The following DPP10 variants were observed in gnomAD, a reference collection of about 807,000 sequenced individuals.
DPP10 encodes dipeptidyl peptidase like 10.
A neutral mutation model predicts 120.9 loss-of-function variants in DPP10; 33 were observed. The observed-to-expected ratio is 0.27, with a 90% CI of 0.21 to 0.37. DPP10 has a LOEUF of 0.37. DPP10 is among the 10% of genes least tolerant of loss of function. The pLI is 1.00. For synonymous variants in DPP10, 337 were observed against 326.1 expected (o/e 1.03, Z -0.36); for missense variants, 816 against 942.8 (o/e 0.87, Z 1.76).
chr2:115,548,739 T>G (rs917809357), intron 5 of DPP10, among the ~76,000 whole-genome samples: 2 of 152,102 alleles, frequency 1.3e-5, no homozygotes, highest in Non-Finnish European at 2.9e-5. Context: ...GTCCATGATA[T>G]AAACACATGT....
At chr2:115,330,389 G>A (rs1254932754) in intron 2 of DPP10, among the ~76,000 whole-genome samples, 1 of 149,896 alleles carries the variant, frequency 6.7e-6, no homozygotes, top group African/African-American at 2.4e-5. Flanking sequence ...TAGGTTGCCT[G>A]TTCACTCTGA....
At chr2:115,307,784 C>T (rs772890461) in intron 1 of DPP10, among the ~76,000 whole-genome samples, 1 of 152,084 alleles carries the variant, frequency 6.6e-6, no homozygotes, top group Non-Finnish European at 1.5e-5. Context: ...TTTATGGTCA[C>T]AAGGCAACTA....
At chr2:115,238,418 A>C (rs575162371) in intron 1 of DPP10, among the ~76,000 whole-genome samples, 1 of 152,336 alleles carries the variant, frequency 6.6e-6, no homozygotes, top group East Asian at 1.9e-4. Context: ...TGCAAGGAGA[A>C]TAATGTTTTC....
chr2:114,775,747 G>T (rs1681670158), intron 1 of DPP10, among the ~76,000 whole-genome samples: 1 of 152,126 alleles, frequency 6.6e-6, no homozygotes, highest in Admixed American at 6.6e-5. Context: ...ACCACTCTTT[G>T]TTCATTCTTT....
intron 1 of DPP10, among the ~76,000 whole-genome samples, chr2:115,235,649 C>T (rs2057960917): frequency 6.6e-6 from 1 of 152,058 alleles, no homozygotes; most frequent in African/African-American, 2.4e-5. Flanking sequence ...GCAACCTCCA[C>T]CTCCCTGATT....
chr2:115,684,316 C>T (rs1410487418), intron 5 of DPP10, among the ~76,000 whole-genome samples: 1 of 151,662 alleles, frequency 6.6e-6, no homozygotes, highest in South Asian at 2.1e-4. Context: ...CTAGTTAGTT[C>T]GTAACTGTGT....
At chr2:115,694,539 A>C (rs984765446) in intron 7 of DPP10, among the ~76,000 whole-genome samples, 4 of 152,196 alleles carry the variant, frequency 2.6e-5, no homozygotes, top group Non-Finnish European at 5.9e-5. Context: ...AGCAATAAAG[A>C]GTGCATTATT....
chr2:115,660,218 T>A lies in DPP10; in HGVS notation c.442-29469T>A, dbSNP rs2088800046. ...CAGCCACATTACAGATCTATTGACA[T>A]AAACTCCAACTATGGTAATTGTTGC... On this transcript the variant is annotated intron_variant, in intron 5 of 25. Transcript: ENST00000410059. Among the ~76,000 whole-genome samples the A allele has an allele frequency of 2.0e-5, 3 of 152,204 alleles. No individual in the cohort carries two copies. The South Asian group carries it at 6.2e-4, about 31-fold the overall frequency.
intron 1 of DPP10, among the ~76,000 whole-genome samples, chr2:114,786,306 C>T (rs1682761058): frequency 6.6e-6 from 1 of 152,166 alleles, no homozygotes; most frequent in Non-Finnish European, 1.5e-5. Flanking sequence ...GTGCAACTTA[C>T]TTCTTTAGAA....
intron 1 of DPP10, among the ~76,000 whole-genome samples, chr2:115,226,526 C>T (rs1334015203): frequency 6.6e-6 from 1 of 152,100 alleles, no homozygotes. Flanking sequence ...AGCACACTGT[C>T]AGTTATCCAC....
At chr2:115,061,557 T>C (rs1706398846) in intron 1 of DPP10, among the ~76,000 whole-genome samples, 1 of 152,218 alleles carries the variant, frequency 6.6e-6, no homozygotes, top group Admixed American at 6.5e-5. Context: ...AATAAAGAAA[T>C]TTTAAAAATG....
At chr2:115,423,660 T>C (rs2070193063) in intron 3 of DPP10, among the ~76,000 whole-genome samples, 1 of 152,102 alleles carries the variant, frequency 6.6e-6, no homozygotes, top group African/African-American at 2.4e-5. Flanking sequence ...CTGGACATCA[T>C]AGATTATAAA....
At position 115,151,394 on chromosome 2, in the gene DPP10, T is replaced by C. The variant is rs373234889; in HGVS notation, c.61-157845T>C. On this transcript the variant is annotated intron_variant, in intron 1 of 25. Coordinates refer to ENST00000410059, the MANE Select transcript of DPP10 (RefSeq NM_020868.6). ...GTAAGTTTAATTGATTTTTTTAAAT[T>C]TCAGGATTACTTTCTTATACTTTTT... Among the ~76,000 whole-genome samples the C allele has an allele frequency of 5.9e-5, 9 of 151,530 alleles. No homozygotes were observed. The East Asian group carries it at 1.4e-3, about 23-fold the overall frequency.
chr2:115,483,536 A>C (rs1385830775), intron 3 of DPP10, among the ~76,000 whole-genome samples: 1 of 151,848 alleles, frequency 6.6e-6, no homozygotes, highest in African/African-American at 2.4e-5. Context: ...ATTGTTTGGG[A>C]GGAATTCATA....
At chr2:115,802,417 T>G (rs1404918464) in intron 19 of DPP10, among the ~76,000 whole-genome samples, 3 of 152,200 alleles carry the variant, frequency 2.0e-5, no homozygotes, top group Non-Finnish European at 4.4e-5. Flanking sequence ...GGGTTTTTTG[T>G]GTCTCTATTT....
At chr2:115,325,774 A>G (rs974461367) in intron 2 of DPP10, among the ~76,000 whole-genome samples, 5 of 152,190 alleles carry the variant, frequency 3.3e-5, no homozygotes, top group South Asian at 2.1e-4. Flanking sequence ...TTACAAATGT[A>G]TTTAATGTCT....
chr2:114,742,634 T>C (rs1348164724), intron 1 of DPP10, among the ~76,000 whole-genome samples: 1 of 152,254 alleles, frequency 6.6e-6, no homozygotes, highest in Non-Finnish European at 1.5e-5. Context: ...GCACCTTGTT[T>C]CTATGTTGTT....
intron 3 of DPP10, among the ~76,000 whole-genome samples, chr2:115,405,677 G>T (rs879752244): frequency 6.6e-6 from 1 of 152,196 alleles, no homozygotes; most frequent in African/African-American, 2.4e-5. Flanking sequence ...CATTCTGCCT[G>T]CATGCGGAAT....
At chr2:115,697,345 A>G (rs2091647672) in intron 7 of DPP10, among the ~76,000 whole-genome samples, 1 of 151,946 alleles carries the variant, frequency 6.6e-6, no homozygotes. Flanking sequence ...AACTCACTGT[A>G]GATACAAAGA....
Sources: gnomAD v4.1 joint callset for allele counts (sites outside exome capture counted in the v4.1 genomes callset) on GRCh38, gnomAD v4.1.1 for gene constraint, MANE v1.5 for transcripts, NCBI Gene and HGNC (gene_info 2026-07-23, HGNC 2026-07-21) for gene names.